Variants in C1QTNF9 observed in about 807,000 individuals in gnomAD.
C1QTNF9 encodes complement C1q and tumor necrosis factor-related protein 9A.
A neutral mutation model predicts 10.1 loss-of-function variants in C1QTNF9; 6 were observed. The ratio of observed to expected loss-of-function variants is 0.59; its 90% confidence interval spans 0.32 to 1.17. The LOEUF (loss-of-function observed/expected upper bound fraction) is 1.17. C1QTNF9 is among the 50% of genes most tolerant of loss of function. C1QTNF9 has a pLI of 0.04. For synonymous variants in C1QTNF9, 98 were observed against 163.5 expected (o/e 0.60, Z 3.06); for missense variants, 201 against 418.8 (o/e 0.48, Z 4.54).
intron 1 of C1QTNF9, among the ~76,000 whole-genome samples, chr13:24,311,984 G>T (rs1321639491): frequency 6.6e-6 from 1 of 152,146 alleles, no homozygotes; most frequent in African/African-American, 2.4e-5. Flanking sequence ...CTAGCTCATG[G>T]TCATACCCAG....
At chr13:24,315,885 G>A (rs1174018467) in intron 1 of C1QTNF9, 97 bp from the exon 2 acceptor site, 4 of 1,336,672 alleles carry the variant, frequency 3.0e-6, no homozygotes, top group Non-Finnish European at 4.2e-6. Flanking sequence ...CTGGGGCAGG[G>A]GACAGCTCAT....
At chr13:24,313,310 C>A (rs1411145070) in intron 1 of C1QTNF9, among the ~76,000 whole-genome samples, 1 of 152,208 alleles carries the variant, frequency 6.6e-6, no homozygotes, top group Non-Finnish European at 1.5e-5. Context: ...TGCTTCCAGG[C>A]TGGCTTCTTC....
intron 1 of C1QTNF9, among the ~76,000 whole-genome samples, chr13:24,314,668 A>G (rs1877961404): frequency 6.6e-6 from 1 of 152,036 alleles, no homozygotes; most frequent in Non-Finnish European, 1.5e-5. Flanking sequence ...GCGAAACTGC[A>G]TCTCGAAAAC....
chr13:24,311,350 G>T (rs1269836783), intron 1 of C1QTNF9, among the ~76,000 whole-genome samples: 2 of 152,174 alleles, frequency 1.3e-5, no homozygotes, highest in Non-Finnish European at 2.9e-5. Flanking sequence ...CTATTTTGGG[G>T]GGACTAAAAA....
upstream of C1QTNF9, chr13:24,309,432 C>A (rs1242697458): frequency 3.3e-5 from 5 of 151,864 alleles, no homozygotes; most frequent in Admixed American, 3.3e-4. Flanking sequence ...ACCTGATTTA[C>A]GTGTTGCTGT....
exon 2 of C1QTNF9, chr13:24,316,090 A>C (rs4275724): frequency 0.18 from 294,959 of 1,611,080 alleles, 29,690 homozygotes; most frequent in African/African-American, 0.34. Flanking sequence ...GGCACCCTGG[A>C]ATCCCTGGGA....
chr13:24,315,266 C>T (rs1877981466), intron 1 of C1QTNF9, among the ~76,000 whole-genome samples: 1 of 152,158 alleles, frequency 6.6e-6, no homozygotes, highest in Non-Finnish European at 1.5e-5. Flanking sequence ...ATGAGTTTGA[C>T]GGCTCTAGGA....
chr13:24,310,939 G>A (rs1877797883), intron 1 of C1QTNF9, among the ~76,000 whole-genome samples: 1 of 149,494 alleles, frequency 6.7e-6, no homozygotes, highest in South Asian at 2.1e-4. Flanking sequence ...AAAAAGATAT[G>A]TTGAAGAAAT....
Position 24,316,994 on chromosome 13 carries a change from C to G in C1QTNF9, c.166+825C>G, listed in dbSNP as rs145552500. Among the ~76,000 whole-genome samples, 223 of 152,334 alleles carry G rather than the reference C, an allele frequency of 1.5e-3. 1 individual carries two copies. Among genetic ancestry groups the G allele is most frequent in the African/African-American group, 4.9e-3 (202 of 41,568 alleles). On this transcript the variant is annotated intron_variant, in intron 2 of 3. Transcript: ENST00000332018. ...CCTTTTTAAAGATAAGTTTGTGTTT[C>G]TAACACATCTCAGCTTATGGCATTT...
At chr13:24,315,894 A>T in intron 1 of C1QTNF9, 88 bp from the exon 2 acceptor site, 1 of 1,433,248 alleles carries the variant, frequency 7.0e-7, no homozygotes, top group East Asian at 2.3e-5. Flanking sequence ...GGGACAGCTC[A>T]TCCATTTCCC....
chr13:24,316,820 C>T (rs1878057701), intron 2 of C1QTNF9, among the ~76,000 whole-genome samples: 1 of 152,170 alleles, frequency 6.6e-6, no homozygotes, highest in African/African-American at 2.4e-5. Context: ...TAACAACAAC[C>T]AATAGACTTG....
intron 3 of C1QTNF9, among the ~76,000 whole-genome samples, chr13:24,319,919 A>G (rs550388730): frequency 4.6e-5 from 7 of 152,334 alleles, no homozygotes; most frequent in South Asian, 2.1e-4. Flanking sequence ...TCACTAGCTC[A>G]TCTGACGTCC....
At chr13:24,310,789 G>A (rs903743969) in intron 1 of C1QTNF9, among the ~76,000 whole-genome samples, 20 of 151,820 alleles carry the variant, frequency 1.3e-4, no homozygotes, top group South Asian at 6.3e-4. Flanking sequence ...GTGGGCGCCT[G>A]TAGTCCCAGC....
chr13:24,316,893 A>G (rs1213831266), intron 2 of C1QTNF9, among the ~76,000 whole-genome samples: 2 of 152,350 alleles, frequency 1.3e-5, no homozygotes, highest in Non-Finnish European at 1.5e-5. Context: ...TATCTAAGGC[A>G]TATGCAGAAT....
intron 1 of C1QTNF9, among the ~76,000 whole-genome samples, chr13:24,314,621 A>G (rs528169965): frequency 1.3e-5 from 2 of 152,228 alleles, no homozygotes; most frequent in African/African-American, 2.4e-5. Context: ...AGCAGTGAGC[A>G]GAGATCGGCC....
chr13:24,312,733 A>G (rs570189258), intron 1 of C1QTNF9, among the ~76,000 whole-genome samples: 76 of 151,886 alleles, frequency 5.0e-4, no homozygotes, highest in South Asian at 4.6e-3. Flanking sequence ...GAGGTGGGCG[A>G]ATCACAAGGT....
intron 1 of C1QTNF9, among the ~76,000 whole-genome samples, chr13:24,313,718 A>G (rs768215293): frequency 2.6e-5 from 4 of 152,224 alleles, no homozygotes; most frequent in Non-Finnish European, 5.9e-5. Flanking sequence ...CAAAATCTCT[A>G]GAAATATTTG....
intron 3 of C1QTNF9, among the ~76,000 whole-genome samples, chr13:24,320,434 C>G (rs111912689): frequency 0.02 from 3,084 of 152,190 alleles, 97 homozygotes; most frequent in African/African-American, 0.063. Context: ...GCCCAGGCTG[C>G]AGTGCAGTGG....
At chr13:24,308,316 C>A (rs1404010680), upstream of C1QTNF9, among the ~76,000 whole-genome samples, 1 of 152,204 alleles carries the variant, frequency 6.6e-6, no homozygotes, top group Non-Finnish European at 1.5e-5. Flanking sequence ...TCCGTCGGGG[C>A]CGCCTGCGGT....
Sources: allele counts gnomAD v4.1 joint callset (sites outside exome capture counted in the v4.1 genomes callset), GRCh38; gene constraint gnomAD v4.1.1; transcripts MANE v1.5; gene names NCBI Gene and HGNC (gene_info 2026-07-23, HGNC 2026-07-21).